LPIN2: variants seen among roughly 807,000 people sequenced by gnomAD.
LPIN2 encodes the protein lipin 2.
Under a neutral mutation model 111.4 loss-of-function variants are expected in LPIN2, and 55 were observed. That is an observed-to-expected ratio of 0.49 (90% confidence interval 0.40 to 0.62). The LOEUF (loss-of-function observed/expected upper bound fraction) is 0.62, where lower values mean the gene tolerates loss of function less well. Ranked by LOEUF, LPIN2 falls within the 20% of genes least tolerant of loss-of-function variation. LPIN2 has a pLI of 0.00. For synonymous variants in LPIN2, 425 were observed against 414.0 expected (o/e 1.03, Z -0.32); for missense variants, 992 against 1,112.1 (o/e 0.89, Z 1.54).
chr18:2,935,180 A>C (rs144709653), intron 7 of LPIN2, among the ~76,000 whole-genome samples: 1,532 of 152,348 alleles, frequency 0.01, 29 homozygotes, highest in African/African-American at 0.035. Context: ...ATACTTCCTT[A>C]ATAATTTTAT....
chr18:2,923,256 AC>A (rs1238318821), intron 16 of LPIN2, among the ~76,000 whole-genome samples: 1 of 152,060 alleles, frequency 6.6e-6, no homozygotes, highest in Non-Finnish European at 1.5e-5. Context: ...CCCCATCTGT[AC>A]TAAAAATACA....
intron 1 of LPIN2, among the ~76,000 whole-genome samples, chr18:2,999,745 A>T (rs915208316): frequency 6.6e-6 from 1 of 152,142 alleles, no homozygotes; most frequent in Non-Finnish European, 1.5e-5. Context: ...ACCCACCAGC[A>T]GCTAGGAGAG....
At chr18:2,974,204 G>A (rs530965488) in intron 1 of LPIN2, among the ~76,000 whole-genome samples, 1 of 152,282 alleles carries the variant, frequency 6.6e-6, no homozygotes, top group African/African-American at 2.4e-5. Context: ...AGCCTCCTCA[G>A]TAGCTGGGAT....
At chr18:2,942,137 T>C (rs1395781283) in intron 4 of LPIN2, among the ~76,000 whole-genome samples, 2 of 152,202 alleles carry the variant, frequency 1.3e-5, no homozygotes, top group African/African-American at 4.8e-5. Flanking sequence ...CATACTCTTA[T>C]TTACCACTAA....
At chr18:2,965,923 G>C (rs1017618040) in intron 1 of LPIN2, among the ~76,000 whole-genome samples, 2 of 151,924 alleles carry the variant, frequency 1.3e-5, no homozygotes, top group African/African-American at 4.8e-5. Flanking sequence ...GCACAAAATG[G>C]ACACATTCTA....
intron 1 of LPIN2, among the ~76,000 whole-genome samples, chr18:2,964,752 T>C (rs954496794): frequency 3.9e-5 from 6 of 152,242 alleles, no homozygotes; most frequent in African/African-American, 1.2e-4. Flanking sequence ...TGACAGAGAC[T>C]CACTACTTTA....
chr18:2,942,368 T>C (rs917810581), intron 4 of LPIN2, among the ~76,000 whole-genome samples: 4 of 152,194 alleles, frequency 2.6e-5, no homozygotes, highest in Admixed American at 1.3e-4. Flanking sequence ...GGTTTGTGAA[T>C]GGTCTTTATT....
chr18:2,937,470 G>A (rs1461104213), intron 7 of LPIN2, among the ~76,000 whole-genome samples: 2 of 145,762 alleles, frequency 1.4e-5, no homozygotes, highest in African/African-American at 5.1e-5. Flanking sequence ...GCTTGAACCC[G>A]GGAGGCGGAA....
At chr18:2,962,609 C>A (rs1368356481) in intron 1 of LPIN2, among the ~76,000 whole-genome samples, 3 of 152,034 alleles carry the variant, frequency 2.0e-5, no homozygotes, top group Admixed American at 2.0e-4. Context: ...TAATTAAATT[C>A]CTATTTTGAG....
At chr18:2,942,287 A>G (rs1179588355) in intron 4 of LPIN2, among the ~76,000 whole-genome samples, 1 of 152,212 alleles carries the variant, frequency 6.6e-6, no homozygotes, top group East Asian at 1.9e-4. Context: ...AAAGACATCT[A>G]GGAAAAAGTA....
At chr18:2,926,086 T>C (rs1004713183) in intron 13 of LPIN2, among the ~76,000 whole-genome samples, 6 of 152,084 alleles carry the variant, frequency 3.9e-5, no homozygotes, top group Admixed American at 2.0e-4. Context: ...GATTATGCCA[T>C]TGCACCCCAG....
intron 3 of LPIN2, among the ~76,000 whole-genome samples, chr18:2,953,553 T>C (rs1416749154): frequency 1.3e-5 from 2 of 152,236 alleles, no homozygotes; most frequent in Non-Finnish European, 2.9e-5. Flanking sequence ...CTTTACCTAC[T>C]GGTACCTAAG....
intron 6 of LPIN2, 87 bp downstream of exon 6, chr18:2,939,393 G>A: frequency 6.5e-7 from 1 of 1,532,784 alleles, no homozygotes; most frequent in Non-Finnish European, 9.0e-7. Context: ...AGCTCAGTCA[G>A]AAATTGCCTC....
intron 1 of LPIN2, among the ~76,000 whole-genome samples, chr18:2,988,837 A>G (rs767103300): frequency 6.6e-6 from 1 of 152,160 alleles, no homozygotes; most frequent in Non-Finnish European, 1.5e-5. Flanking sequence ...ATTTCATTTT[A>G]TTTTTCTTCC....
intron 1 of LPIN2, among the ~76,000 whole-genome samples, chr18:3,008,252 G>A (rs1005883704): frequency 1.3e-5 from 2 of 152,152 alleles, no homozygotes; most frequent in African/African-American, 4.8e-5. Flanking sequence ...GACCAGCCTG[G>A]GCAACATGAT....
At chr18:2,989,658 C>T (rs1177476195) in intron 1 of LPIN2, among the ~76,000 whole-genome samples, 3 of 152,080 alleles carry the variant, frequency 2.0e-5, no homozygotes, top group East Asian at 3.9e-4. Flanking sequence ...CAGTAGCTGA[C>T]GCCTGTAATC....
chr18:2,934,836 T>C (rs2077263586), intron 7 of LPIN2, among the ~76,000 whole-genome samples: 1 of 152,224 alleles, frequency 6.6e-6, no homozygotes, highest in Non-Finnish European at 1.5e-5. Flanking sequence ...AAGGCAAGGT[T>C]GTCTGGGCAC....
intron 2 of LPIN2, among the ~76,000 whole-genome samples, chr18:2,957,521 T>C (rs1231165812): frequency 6.6e-6 from 1 of 151,944 alleles, no homozygotes; most frequent in Non-Finnish European, 1.5e-5. Context: ...CTTTAGGGAG[T>C]AGAGGTGGGC....
chr18:2,963,837 A>G (rs1468324628), intron 1 of LPIN2, among the ~76,000 whole-genome samples: 1 of 148,768 alleles, frequency 6.7e-6, no homozygotes, highest in African/African-American at 2.5e-5. Context: ...TTTAACAAAT[A>G]CCAAAAATGC....
Sources: allele counts gnomAD v4.1 joint callset (sites outside exome capture counted in the v4.1 genomes callset), GRCh38; gene constraint gnomAD v4.1.1; transcripts MANE v1.5; gene names NCBI Gene and HGNC (gene_info 2026-07-23, HGNC 2026-07-21).